The following SYT6 variants were observed in gnomAD, a reference collection of about 807,000 sequenced individuals.
SYT6 encodes synaptotagmin 6.
SYT6 carries 24 observed loss-of-function variants against 38.4 expected under a neutral mutation model. The observed-to-expected ratio is 0.62, with a 90% CI of 0.45 to 0.88. SYT6 has a LOEUF of 0.88. Ranked by LOEUF, SYT6 falls within the 40% of genes least tolerant of loss-of-function variation. SYT6 has a pLI of 0.00. For synonymous variants in SYT6, 265 were observed against 241.9 expected (o/e 1.10, Z -0.89); for missense variants, 611 against 621.0 (o/e 0.98, Z 0.17).
chr1:114,128,819 A>G (rs1041444706), intron 3 of SYT6, among the ~76,000 whole-genome samples: 1 of 152,136 alleles, frequency 6.6e-6, no homozygotes, highest in African/African-American at 2.4e-5. Context: ...CCCCACATAA[A>G]TTGTTAGAGT....
intron 7 of SYT6, 137 bp from the exon 8 acceptor site, chr1:114,092,219 T>C: frequency 1.3e-6 from 1 of 796,444 alleles, no homozygotes; most frequent in Non-Finnish European, 2.0e-6. Context: ...CTGTCAGCCA[T>C]GCAAAAACAT....
At chr1:114,110,815 C>A (rs992125310) in intron 3 of SYT6, among the ~76,000 whole-genome samples, 2 of 152,186 alleles carry the variant, frequency 1.3e-5, no homozygotes, top group Non-Finnish European at 2.9e-5. Context: ...CTCTGGCCTG[C>A]ACCATCTCTG....
intron 3 of SYT6, among the ~76,000 whole-genome samples, chr1:114,136,431 C>T (rs749539329): frequency 6.6e-6 from 1 of 152,198 alleles, no homozygotes; most frequent in Non-Finnish European, 1.5e-5. Flanking sequence ...GGGAATGCCC[C>T]CACTGAGCTC....
intron 2 of SYT6, 131 bp from the exon 3 acceptor site, chr1:114,138,184 G>A: frequency 1.1e-6 from 1 of 877,256 alleles, no homozygotes; most frequent in East Asian, 2.7e-5. Flanking sequence ...TCCTCTTCTT[G>A]ACCCCACTTT....
At chr1:114,131,093 A>C (rs936297479) in intron 3 of SYT6, among the ~76,000 whole-genome samples, 10 of 152,060 alleles carry the variant, frequency 6.6e-5, no homozygotes, top group Admixed American at 6.6e-4. Context: ...CCTTCCCCCA[A>C]CATGCTGGGC....
At chr1:114,092,820 T>C (rs1219633197) in intron 7 of SYT6, among the ~76,000 whole-genome samples, 1 of 152,248 alleles carries the variant, frequency 6.6e-6, no homozygotes, top group Non-Finnish European at 1.5e-5. Context: ...CAGTCATCGC[T>C]GCAGCAGTCA....
chr1:114,149,220 T>TGTGTGTGTGTGTGTGTGTGTGCGCGCGC (rs1226003772), intron 1 of SYT6, among the ~76,000 whole-genome samples: 11 of 113,954 alleles, frequency 9.7e-5, no homozygotes, highest in South Asian at 4.2e-4. Flanking sequence ...AGAGAGATTG[T>TGTGTGTGTGTGTGTGTGTGTGCGCGCGC]GTGTGTGTGT....
At chr1:114,106,906 C>G (rs1251624550) in intron 3 of SYT6, among the ~76,000 whole-genome samples, 4 of 152,212 alleles carry the variant, frequency 2.6e-5, no homozygotes, top group South Asian at 2.1e-4. Context: ...CCTGCTTGTG[C>G]TTCAGCATGC....
At chr1:114,096,238 C>T (rs1239671694) in intron 6 of SYT6, among the ~76,000 whole-genome samples, 1 of 152,012 alleles carries the variant, frequency 6.6e-6, no homozygotes, top group African/African-American at 2.4e-5. Flanking sequence ...GGGCTCCTCA[C>T]CCACACTCTG....
chr1:114,113,343 C>G (rs1055344522), intron 3 of SYT6, among the ~76,000 whole-genome samples: 1 of 152,114 alleles, frequency 6.6e-6, no homozygotes, highest in African/African-American at 2.4e-5. Flanking sequence ...TGAAGTTTGT[C>G]AAGCTTTTTC....
chr1:114,153,722 C>G lies in SYT6; in HGVS notation c.51G>C (p.Ala17=), dbSNP rs967943827. The stretch of plus-strand genomic sequence containing the variant: ...GGGCCCGGCACAGCGAGGCGAGGAC[C>G]GCGAGCGCCTCCTGGCACCGAGGCC... The part of the protein sequence containing the change: ...AGGPRCQEAL[A]VLASLCRARP... The change falls in exon 1 of 8, where the codon GCG becomes GCC. Residue 17 remains alanine (A), a synonymous_variant. Coordinates refer to ENST00000610222, the MANE Select transcript of SYT6 (RefSeq NM_001253772.2). 36 of 682,760 alleles carry G rather than the reference C, an allele frequency of 5.3e-5. No individual in the cohort carries two copies. The Admixed American group carries it at 7.1e-4, about 13-fold the overall frequency. 42.3% of individuals were successfully genotyped at this position (682,760 alleles called of 1,614,324 possible). A position where few individuals can be genotyped will look rare whatever the true frequency, so the allele number is the denominator to read the frequency against.
intron 3 of SYT6, among the ~76,000 whole-genome samples, chr1:114,129,647 C>A (rs1226761277): frequency 1.3e-5 from 1 of 77,158 alleles, no homozygotes; most frequent in Non-Finnish European, 2.7e-5. Context: ...CTTTCTCTTT[C>A]TTTCTTTTTC....
At chr1:114,146,266 T>TA (rs1215870075) in intron 1 of SYT6, among the ~76,000 whole-genome samples, 1 of 152,166 alleles carries the variant, frequency 6.6e-6, no homozygotes, top group Admixed American at 6.5e-5. Flanking sequence ...TCAGCTCATT[T>TA]AAAATCACTG....
intron 6 of SYT6, among the ~76,000 whole-genome samples, chr1:114,095,455 T>C (rs1305193873): frequency 1.3e-5 from 2 of 152,204 alleles, no homozygotes; most frequent in Non-Finnish European, 2.9e-5. Context: ...CTCTGTCACT[T>C]TCCATTTTCC....
At chr1:114,093,019 G>C (rs1339596681) in intron 7 of SYT6, among the ~76,000 whole-genome samples, 1 of 152,192 alleles carries the variant, frequency 6.6e-6, no homozygotes, top group African/African-American at 2.4e-5. Context: ...GAGGTAGGTA[G>C]GTGGTCAAGA....
chr1:114,135,516 A>G (rs1298013932), intron 3 of SYT6, among the ~76,000 whole-genome samples: 1 of 64,990 alleles, frequency 1.5e-5, no homozygotes, highest in Non-Finnish European at 3.4e-5. Flanking sequence ...CTAGTTGAGG[A>G]TGATGAGGAT....
intron 6 of SYT6, among the ~76,000 whole-genome samples, chr1:114,095,666 C>CTT (rs11409616): frequency 6.6e-4 from 97 of 146,208 alleles, no homozygotes; most frequent in East Asian, 2.2e-3. Context: ...GTTTTCTTTT[C>CTT]TTTTTTTTTT....
At chr1:114,109,040 G>A (rs1676509540) in intron 3 of SYT6, among the ~76,000 whole-genome samples, 1 of 152,160 alleles carries the variant, frequency 6.6e-6, no homozygotes. Context: ...TGAGGTAGAA[G>A]CCAGTTGGAC....
intron 1 of SYT6, among the ~76,000 whole-genome samples, chr1:114,144,873 A>G (rs1332599638): frequency 6.6e-6 from 1 of 152,044 alleles, no homozygotes; most frequent in Non-Finnish European, 1.5e-5. Flanking sequence ...TAGATCAGTT[A>G]TCACCTCCGA....
Sources: gnomAD v4.1 joint callset for allele counts (sites outside exome capture counted in the v4.1 genomes callset) on GRCh38, gnomAD v4.1.1 for gene constraint, MANE v1.5 for transcripts, NCBI Gene and HGNC (gene_info 2026-07-23, HGNC 2026-07-21) for gene names.